TBC1D23: variants seen among roughly 807,000 people sequenced by gnomAD.
TBC1D23 encodes TBC1 domain family member 23, also known as HCV non-structural protein 4A-transactivated protein 1.
TBC1D23 carries 55 observed loss-of-function variants against 91.4 expected under a neutral mutation model. That is an observed-to-expected ratio of 0.60 (90% CI 0.48 to 0.75). TBC1D23 has a LOEUF of 0.75. Among genes scored for constraint, TBC1D23 ranks in the 30% least tolerant of loss-of-function variants. The pLI is 0.00. For missense variants in TBC1D23, 725 were observed against 836.1 expected, an observed-to-expected ratio of 0.87 and a Z score of 1.64; for synonymous variants, 289 against 281.0, an observed-to-expected ratio of 1.03 and a Z score of -0.28.
At chr3:100,281,485 C>A (rs1220164713) in intron 2 of TBC1D23, among the ~76,000 whole-genome samples, 2 of 152,040 alleles carry the variant, frequency 1.3e-5, no homozygotes, top group Admixed American at 6.6e-5. Context: ...TGTAAATTTA[C>A]ATATCTAAAT....
chr3:100,300,306 A>C (rs1705400273), intron 10 of TBC1D23, among the ~76,000 whole-genome samples: 1 of 151,996 alleles, frequency 6.6e-6, no homozygotes, highest in South Asian at 2.1e-4. Context: ...TCGTCTGAAA[A>C]ATTTGATGCT....
intron 18 of TBC1D23, among the ~76,000 whole-genome samples, chr3:100,322,804 C>CTT (rs796303857): frequency 1.3e-4 from 20 of 151,210 alleles, no homozygotes; most frequent in African/African-American, 4.4e-4. Flanking sequence ...GGAAGATAGT[C>CTT]TTAATAGTGG....
At chr3:100,273,408 A>G (rs1380146609) in intron 1 of TBC1D23, among the ~76,000 whole-genome samples, 3 of 152,220 alleles carry the variant, frequency 2.0e-5, no homozygotes, top group Admixed American at 1.3e-4. Context: ...TTCTACACAG[A>G]CACAGTAACA....
chr3:100,301,272 C>CA (rs71697646), intron 10 of TBC1D23, among the ~76,000 whole-genome samples: 20,404 of 113,020 alleles, frequency 0.18, 4,242 homozygotes, highest in African/African-American at 0.48. Context: ...GATTCCGTCT[C>CA]AAAAAAAAAA....
intron 15 of TBC1D23, among the ~76,000 whole-genome samples, chr3:100,314,405 C>T (rs571928321): frequency 6.6e-6 from 1 of 151,572 alleles, no homozygotes; most frequent in Non-Finnish European, 1.5e-5. Context: ...GTAACCGGCA[C>T]AAAAAAAATT....
rs1334826104 is a variant in TBC1D23 at position 100,296,196 on chromosome 3, G to A, written c.797G>A (p.Ser266Asn). The A allele has an allele frequency of 5.7e-6, 9 of 1,589,688 alleles. No homozygotes were observed. Among genetic ancestry groups the A allele is most frequent in the African/African-American group, 2.7e-5 (2 of 73,740 alleles). Reference sequence around the variant, plus strand: ...GAGTTCTTGGAAAATACTCCATCCAGTCTGAATATAGAAGATATAGAAGAC... The same window carrying A: ...GAGTTCTTGGAAAATACTCCATCCAATCTGAATATAGAAGATATAGAAGAC... ...VIKFLENTPSSLNIEDIEDLF... is the reference protein window; with the variant it reads ...VIKFLENTPSNLNIEDIEDLF... Residue 266 changes from serine (S) to asparagine (N), a missense_variant, in exon 8 of 19, where the codon AGT becomes AAT. Transcript: ENST00000394144.
chr3:100,271,889 GC>G (rs1215018555), intron 1 of TBC1D23, among the ~76,000 whole-genome samples: 1 of 152,202 alleles, frequency 6.6e-6, no homozygotes, highest in African/African-American at 2.4e-5. Context: ...GACAGAAAGA[GC>G]AAGGAGTGAA....
In TBC1D23 at chr3:100,290,633, C is replaced by CTA. The variant is rs1247196964; in HGVS notation, c.532_533insTA (p.His178LeufsTer57). 6.2e-7 allele frequency: 1 copy of CTA among 1,612,434 alleles called. No homozygotes were observed. Among genetic ancestry groups the CTA allele is most frequent in the East Asian group, 2.2e-5 (1 of 44,846 alleles). ...TCTCTTCAGGTTGCTCATCCAATACCATGAGCCTGAGCTTTGTTCTTATCT... is the reference window on the plus strand; with the variant it reads ...TCTCTTCAGGTTGCTCATCCAATACCTAATGAGCCTGAGCTTTGTTCTTATCT... On this transcript the variant is annotated frameshift_variant, in exon 5 of 19. Transcript: ENST00000394144. LOFTEE classifies it high-confidence loss of function.
chr3:100,261,333 G>T (rs1361201413), intron 1 of TBC1D23: 1 of 536,982 alleles, frequency 1.9e-6, no homozygotes, highest in African/African-American at 1.9e-5. Flanking sequence ...TCGTCTGTCA[G>T]TCTCCAAAGT....
At chr3:100,286,904 C>T (rs1053036610) in intron 4 of TBC1D23, among the ~76,000 whole-genome samples, 7 of 152,050 alleles carry the variant, frequency 4.6e-5, no homozygotes, top group African/African-American at 1.7e-4. Flanking sequence ...CAACCTCCGC[C>T]TCCCAGATTC....
intron 1 of TBC1D23, among the ~76,000 whole-genome samples, chr3:100,273,195 A>G (rs1054216088): frequency 1.3e-5 from 2 of 152,144 alleles, no homozygotes; most frequent in Non-Finnish European, 2.9e-5. Context: ...GGTACTTGAG[A>G]TTAGGGAGTG....
At chr3:100,273,404 A>G (rs2067617659) in intron 1 of TBC1D23, among the ~76,000 whole-genome samples, 1 of 152,224 alleles carries the variant, frequency 6.6e-6, no homozygotes, top group Admixed American at 6.5e-5. Context: ...TTCTTTCTAC[A>G]CAGACACAGT....
At chr3:100,301,928 T>C in intron 10 of TBC1D23, 139 bp from the exon 11 acceptor site, 1 of 613,840 alleles carries the variant, frequency 1.6e-6, no homozygotes, top group Non-Finnish European at 2.8e-6. Context: ...AGGGATTTTA[T>C]TTATAAGAGC....
At chr3:100,307,100 T>A (rs1705530026) in intron 13 of TBC1D23, among the ~76,000 whole-genome samples, 1 of 152,216 alleles carries the variant, frequency 6.6e-6, no homozygotes, top group Non-Finnish European at 1.5e-5. Flanking sequence ...GATTTTTAGT[T>A]ATTGAGATGT....
chr3:100,274,738 T>C (rs1055039334), intron 1 of TBC1D23, among the ~76,000 whole-genome samples: 3 of 149,048 alleles, frequency 2.0e-5, no homozygotes, highest in Non-Finnish European at 4.4e-5. Flanking sequence ...CCTCCCTTTT[T>C]AGGCTGTATA....
intron 16 of TBC1D23, among the ~76,000 whole-genome samples, chr3:100,317,984 A>T (rs150827271): frequency 6.6e-6 from 1 of 152,082 alleles, no homozygotes; most frequent in East Asian, 1.9e-4. Flanking sequence ...ACATTTAAGT[A>T]TAGAATACTA....
At chr3:100,271,530 G>C (rs16842060) in intron 1 of TBC1D23, among the ~76,000 whole-genome samples, 35,955 of 151,994 alleles carry the variant, frequency 0.24, 4,680 homozygotes, top group East Asian at 0.49. Flanking sequence ...TCTTAGGCTA[G>C]AGAAGAGATA....
intron 8 of TBC1D23, among the ~76,000 whole-genome samples, chr3:100,296,575 C>A (rs1004930784): frequency 3.9e-5 from 6 of 151,970 alleles, no homozygotes; most frequent in Admixed American, 2.6e-4. Flanking sequence ...AATTATATTA[C>A]AGGGCCGGGC....
At chr3:100,312,679 C>G (rs1705646273) in intron 15 of TBC1D23, among the ~76,000 whole-genome samples, 1 of 151,870 alleles carries the variant, frequency 6.6e-6, no homozygotes, top group Non-Finnish European at 1.5e-5. Flanking sequence ...TACAGCAACA[C>G]CTACAAACAT....
Sources: gnomAD v4.1 joint callset for allele counts (sites outside exome capture counted in the v4.1 genomes callset) on GRCh38, gnomAD v4.1.1 for gene constraint, MANE v1.5 for transcripts, NCBI Gene and HGNC (gene_info 2026-07-23, HGNC 2026-07-21) for gene names.